The following PTPRD variants were observed in gnomAD, a reference collection of about 807,000 sequenced individuals.
PTPRD encodes protein tyrosine phosphatase receptor type D.
Under a neutral mutation model 214.5 loss-of-function variants are expected in PTPRD, and 34 were observed. That is an observed-to-expected ratio of 0.16 (90% CI 0.12 to 0.21). PTPRD has a LOEUF of 0.21. PTPRD is among the 10% of genes least tolerant of loss of function. The pLI, the probability that PTPRD is intolerant of heterozygous loss-of-function variation, is 1.00. For missense variants in PTPRD, 2,545 were observed against 2,398.7 expected (o/e 1.06, Z -1.27); for synonymous variants, 1,128 against 845.7 (o/e 1.33, Z -5.79).
At chr9:10,441,613 C>T (rs1159559371) in intron 2 of PTPRD, among the ~76,000 whole-genome samples, 7 of 151,496 alleles carry the variant, frequency 4.6e-5, no homozygotes, top group African/African-American at 1.7e-4. Flanking sequence ...TTATTACTTA[C>T]TATACTATAC....
chr9:10,180,326 A>G (rs1287709211), intron 3 of PTPRD, among the ~76,000 whole-genome samples: 1 of 152,068 alleles, frequency 6.6e-6, no homozygotes. Flanking sequence ...AAGTTCTAAA[A>G]GTAAAAACAG....
chr9:9,424,550 C>T (rs1299587499), intron 8 of PTPRD, among the ~76,000 whole-genome samples: 1 of 152,038 alleles, frequency 6.6e-6, no homozygotes, highest in Non-Finnish European at 1.5e-5. Flanking sequence ...AGGGATACTA[C>T]TAATTACAAA....
Position 8,499,752 on chromosome 9 carries a change from T to C in PTPRD, c.2217A>G (p.Lys739=). The C allele has an allele frequency of 3.1e-6, 5 of 1,614,110 alleles. No homozygotes were observed. The highest frequency in any genetic ancestry group is 4.2e-6 in the Non-Finnish European group (5 of 1,179,996). Residue 739 remains lysine (K), a synonymous_variant, in exon 25 of 46, where the codon AAA becomes AAG. Coordinates refer to ENST00000381196, the MANE Select transcript of PTPRD (RefSeq NM_002839.4). The part of the protein sequence containing the change: ...KVSWRSPVPN[K]QHGQIRGYQV... The stretch of plus-strand genomic sequence containing the variant: ...GATATCCTCTTATCTGGCCATGCTG[T>C]TTATTGGGCACGGGTGAGCGCCATG...
At chr9:9,678,069 G>A (rs1472964224) in intron 7 of PTPRD, among the ~76,000 whole-genome samples, 3 of 151,950 alleles carry the variant, frequency 2.0e-5, no homozygotes, top group African/African-American at 7.3e-5. Context: ...AAATAAAAGA[G>A]GATACAAACA....
At chr9:8,991,170 G>C (rs1018298593) in intron 11 of PTPRD, among the ~76,000 whole-genome samples, 1 of 149,412 alleles carries the variant, frequency 6.7e-6, no homozygotes, top group Non-Finnish European at 1.5e-5. Flanking sequence ...AGTGAGCTGA[G>C]ATGGCGCCAT....
intron 11 of PTPRD, among the ~76,000 whole-genome samples, chr9:8,843,467 G>A (rs532729311): frequency 2.0e-5 from 3 of 152,254 alleles, no homozygotes; most frequent in African/African-American, 7.2e-5. Flanking sequence ...TGGTAGACTA[G>A]GGCTGTCTAA....
At chr9:9,930,509 T>C (rs1360115419) in intron 5 of PTPRD, among the ~76,000 whole-genome samples, 3 of 152,202 alleles carry the variant, frequency 2.0e-5, no homozygotes, top group Non-Finnish European at 2.9e-5. Flanking sequence ...AACTCATTCA[T>C]GTGTCACTCA....
chr9:10,599,599 T>C (rs755709007), intron 2 of PTPRD, among the ~76,000 whole-genome samples: 4 of 151,760 alleles, frequency 2.6e-5, no homozygotes, highest in Non-Finnish European at 5.9e-5. Context: ...AAAGAACCAC[T>C]GTTTGCCAGG....
intron 7 of PTPRD, among the ~76,000 whole-genome samples, chr9:9,599,935 G>A (rs1354492679): frequency 1.3e-5 from 2 of 151,974 alleles, no homozygotes. Context: ...TATGTCAACT[G>A]ACAGAATTAT....
At chr9:10,518,436 G>C (rs1248103625) in intron 2 of PTPRD, among the ~76,000 whole-genome samples, 2 of 152,140 alleles carry the variant, frequency 1.3e-5, no homozygotes, top group African/African-American at 4.8e-5. Flanking sequence ...TGGAAATTGA[G>C]TGTGAAATAA....
chr9:9,121,520 A>G (rs905580481), intron 10 of PTPRD, among the ~76,000 whole-genome samples: 4 of 152,218 alleles, frequency 2.6e-5, no homozygotes, highest in African/African-American at 9.6e-5. Flanking sequence ...CAGCATTTGC[A>G]ATGACCTGGA....
chr9:9,778,641 C>A (rs886244889), intron 5 of PTPRD, among the ~76,000 whole-genome samples: 1 of 152,120 alleles, frequency 6.6e-6, no homozygotes, highest in African/African-American at 2.4e-5. Flanking sequence ...CATAGCCACT[C>A]TGCAGGAACA....
At chr9:10,194,345 T>TAGAGAG (rs1182799154) in intron 3 of PTPRD, among the ~76,000 whole-genome samples, 8 of 39,844 alleles carry the variant, frequency 2.0e-4, no homozygotes, top group African/African-American at 6.2e-4. Flanking sequence ...TATATATATA[T>TAGAGAG]AGAGAGAGAG....
At chr9:10,059,785 A>T (rs1002705883) in intron 3 of PTPRD, among the ~76,000 whole-genome samples, 1 of 71,174 alleles carries the variant, frequency 1.4e-5, no homozygotes, top group Admixed American at 1.1e-4. Flanking sequence ...TTAAGAAATT[A>T]AAAAAAAAAC....
intron 3 of PTPRD, among the ~76,000 whole-genome samples, chr9:10,183,716 G>T (rs2099314076): frequency 6.6e-6 from 1 of 152,064 alleles, no homozygotes; most frequent in Non-Finnish European, 1.5e-5. Context: ...ACAAAGAGAG[G>T]ACACAAGAAA....
At chr9:8,542,480 G>A (rs1232359707) in intron 14 of PTPRD, among the ~76,000 whole-genome samples, 1 of 152,194 alleles carries the variant, frequency 6.6e-6, no homozygotes, top group Non-Finnish European at 1.5e-5. Flanking sequence ...TTTTGAAGAT[G>A]AGGAATGAAG....
intron 9 of PTPRD, among the ~76,000 whole-genome samples, chr9:9,243,631 A>G (rs199529454): frequency 6.6e-6 from 1 of 152,134 alleles, no homozygotes; most frequent in Non-Finnish European, 1.5e-5. Context: ...GTATTGATGG[A>G]ACGTATCTGA....
chr9:8,861,750 G>C (rs1195642593), intron 11 of PTPRD: 1 of 152,098 alleles, frequency 6.6e-6, no homozygotes, highest in Non-Finnish European at 1.5e-5. Context: ...GGACTACTGG[G>C]GTTTTTATTA....
intron 5 of PTPRD, among the ~76,000 whole-genome samples, chr9:9,919,746 C>T (rs2082015572): frequency 1.3e-5 from 2 of 152,188 alleles, no homozygotes; most frequent in South Asian, 4.1e-4. Flanking sequence ...GTTTCAGGTG[C>T]TTGTATGACC....
Sources: allele counts gnomAD v4.1 joint callset (sites outside exome capture counted in the v4.1 genomes callset), GRCh38; gene constraint gnomAD v4.1.1; transcripts MANE v1.5; gene names NCBI Gene and HGNC (gene_info 2026-07-23, HGNC 2026-07-21).